BPTF: variants seen among roughly 807,000 people sequenced by gnomAD.
BPTF encodes bromodomain PHD finger transcription factor.
In BPTF, 18 loss-of-function variants were observed where a neutral mutation model predicts 292.5. That is an observed-to-expected ratio of 0.06 (90% CI 0.04 to 0.09). The LOEUF is 0.09. Ranked by LOEUF, BPTF falls within the 10% of genes least tolerant of loss-of-function variation. The pLI is 1.00. For synonymous variants in BPTF, 1,225 were observed against 1,251.9 expected (o/e 0.98, Z 0.45); for missense variants, 2,726 against 3,498.7 (o/e 0.78, Z 5.57).
chr17:67,896,468 T>G (rs5024717), intron 7 of BPTF, among the ~76,000 whole-genome samples: 115,762 of 148,050 alleles, frequency 0.78, 46,908 homozygotes, highest in South Asian at 0.91. Flanking sequence ...AACTAGAAAC[T>G]GTCCCCCCAG....
chr17:67,858,838 C>G (rs963296865), intron 2 of BPTF, among the ~76,000 whole-genome samples: 4 of 152,216 alleles, frequency 2.6e-5, no homozygotes, highest in Admixed American at 6.5e-5. Context: ...TGGATATTCA[C>G]TCTCACTGCC....
intron 3 of BPTF, among the ~76,000 whole-genome samples, chr17:67,872,834 C>T (rs1174040820): frequency 6.6e-6 from 1 of 152,198 alleles, no homozygotes; most frequent in Non-Finnish European, 1.5e-5. Flanking sequence ...GCACTGCTAA[C>T]GCCTGTAACC....
chr17:67,859,916 A>T (rs2058972645), intron 2 of BPTF, among the ~76,000 whole-genome samples: 1 of 152,124 alleles, frequency 6.6e-6, no homozygotes, highest in South Asian at 2.1e-4. Flanking sequence ...AAATCACGTG[A>T]CTCAGATGAC....
intron 7 of BPTF, among the ~76,000 whole-genome samples, chr17:67,898,656 G>A (rs1467689328): frequency 7.0e-6 from 1 of 143,524 alleles, no homozygotes; most frequent in African/African-American, 2.5e-5. Context: ...ACGAGTATAT[G>A]AAGTCTTTTT....
chr17:67,876,820 AG>A (rs2060077867), intron 4 of BPTF, among the ~76,000 whole-genome samples: 1 of 70,782 alleles, frequency 1.4e-5, no homozygotes, highest in Admixed American at 1.4e-4. Context: ...AAGTAAAAAA[AG>A]AGAAAAAGAA....
intron 9 of BPTF, 23 bp downstream of exon 9, chr17:67,904,863 C>A: frequency 1.3e-6 from 2 of 1,578,166 alleles, no homozygotes; most frequent in South Asian, 1.1e-5. Context: ...AATTACATGT[C>A]CTGCATAATC....
At chr17:67,964,952 TGGC>T (rs1555686331) in intron 25 of BPTF, 2 of 115,616 alleles carry the variant, frequency 1.7e-5, no homozygotes, top group Non-Finnish European at 3.2e-5. Flanking sequence ...TGAGCCGAGA[TGGC>T]GCCACTGCAC....
chr17:67,909,803 G>C, intron 10 of BPTF, 42 bp downstream of exon 10: 1 of 1,434,612 alleles, frequency 7.0e-7, no homozygotes. Flanking sequence ...GGGGTGATAA[G>C]AATGCACTGG....
intron 4 of BPTF, among the ~76,000 whole-genome samples, chr17:67,880,946 A>G (rs2060358607): frequency 9.8e-6 from 1 of 102,132 alleles, no homozygotes; most frequent in Admixed American, 1.0e-4. Context: ...GTGTATGTAT[A>G]TTATATATAT....
intron 13 of BPTF, among the ~76,000 whole-genome samples, chr17:67,920,532 A>G (rs1181238579): frequency 6.6e-6 from 1 of 152,212 alleles, no homozygotes; most frequent in Non-Finnish European, 1.5e-5. Context: ...ACTACTGTGA[A>G]ATACTTCAGT....
intron 4 of BPTF, among the ~76,000 whole-genome samples, chr17:67,881,733 C>T (rs138551195): frequency 2.0e-5 from 3 of 151,782 alleles, no homozygotes; most frequent in Admixed American, 6.6e-5. Flanking sequence ...GAACTTCTGA[C>T]CTTGTGATCT....
At chr17:67,947,863 A>G (rs1555676259) in intron 22 of BPTF, 55 bp downstream of exon 22, 1 of 1,483,322 alleles carries the variant, frequency 6.7e-7, no homozygotes, top group African/African-American at 1.4e-5. Flanking sequence ...TATCGTGCAC[A>G]CGCACAGAGT....
intron 23 of BPTF, among the ~76,000 whole-genome samples, chr17:67,957,876 TC>T (rs1227490307): frequency 6.6e-6 from 1 of 152,204 alleles, no homozygotes; most frequent in African/African-American, 2.4e-5. Context: ...ATACTCTTGG[TC>T]ATAGCTATGA....
chr17:67,939,875 G>A (rs898883775), intron 18 of BPTF, among the ~76,000 whole-genome samples: 2 of 152,106 alleles, frequency 1.3e-5, no homozygotes, highest in African/African-American at 2.4e-5. Flanking sequence ...GCGAGACTCC[G>A]TCTCAAAAAA....
chr17:67,899,963 A>G, intron 7 of BPTF, among the ~76,000 whole-genome samples: 1 of 152,164 alleles, frequency 6.6e-6, no homozygotes, highest in South Asian at 2.1e-4. Flanking sequence ...CAAGCATCTG[A>G]TGTATTGGTT....
At chr17:67,835,811 A>G (rs532007904) in intron 1 of BPTF, among the ~76,000 whole-genome samples, 79 of 151,918 alleles carry the variant, frequency 5.2e-4, no homozygotes, top group Admixed American at 8.5e-4. Flanking sequence ...GACTACAGGC[A>G]CCTGCCACCA....
chr17:67,938,841 A>G (rs756713504), intron 18 of BPTF, among the ~76,000 whole-genome samples: 8 of 152,270 alleles, frequency 5.3e-5, no homozygotes, highest in Non-Finnish European at 8.8e-5. Context: ...TATGTATTAA[A>G]TAAGTAGGAA....
chr17:67,841,463 A>G (rs1292473957), intron 1 of BPTF, among the ~76,000 whole-genome samples: 2 of 152,172 alleles, frequency 1.3e-5, no homozygotes, highest in East Asian at 3.8e-4. Context: ...TAAAATTAGT[A>G]TTTTATATTA....
At chr17:67,915,689 A>C (rs1038465540) in intron 11 of BPTF, among the ~76,000 whole-genome samples, 1 of 151,204 alleles carries the variant, frequency 6.6e-6, no homozygotes, top group African/African-American at 2.4e-5. Context: ...CAACCCCCAT[A>C]CTCTTAACTT....
Sources: allele counts gnomAD v4.1 joint callset (sites outside exome capture counted in the v4.1 genomes callset), GRCh38; gene constraint gnomAD v4.1.1; transcripts MANE v1.5; gene names NCBI Gene and HGNC (gene_info 2026-07-23, HGNC 2026-07-21).